Variants in PTPN12 observed in about 807,000 individuals in gnomAD.
The protein encoded by PTPN12 is tyrosine-protein phosphatase non-receptor type 12.
Under a neutral mutation model 97.6 loss-of-function variants are expected in PTPN12, and 29 were observed. That is an observed-to-expected ratio of 0.30 (90% CI 0.22 to 0.41). PTPN12 has a LOEUF of 0.41. Ranked by LOEUF, PTPN12 falls within the 10% of genes least tolerant of loss-of-function variation. The probability of loss-of-function intolerance (pLI) is 1.00; values close to 1 mark genes in which losing one functional copy is unlikely to be tolerated. For missense variants in PTPN12, 819 were observed against 926.0 expected, an observed-to-expected ratio of 0.88 and a Z score of 1.50; for synonymous variants, 327 against 300.4, an observed-to-expected ratio of 1.09 and a Z score of -0.91.
chr7:77,601,404 C>T (rs1252814370), intron 8 of PTPN12, among the ~76,000 whole-genome samples: 1 of 152,120 alleles, frequency 6.6e-6, no homozygotes, highest in Non-Finnish European at 1.5e-5. Flanking sequence ...AAGTCTTGCT[C>T]TGTTGCCCAG....
At chr7:77,616,623 G>A (rs1287098945) in intron 11 of PTPN12, among the ~76,000 whole-genome samples, 2 of 152,214 alleles carry the variant, frequency 1.3e-5, no homozygotes, top group Admixed American at 6.5e-5. Context: ...ATGCTGTTTT[G>A]TATGTTAGAA....
intron 4 of PTPN12, among the ~76,000 whole-genome samples, chr7:77,584,047 T>G (rs183583676): frequency 1.1e-3 from 170 of 152,296 alleles, no homozygotes; most frequent in African/African-American, 3.6e-3. Flanking sequence ...ATATGCAGTA[T>G]AAGAGAATTT....
chr7:77,625,253 GTTT>G (rs141984662), intron 12 of PTPN12, among the ~76,000 whole-genome samples: 2 of 139,336 alleles, frequency 1.4e-5, no homozygotes. Context: ...TTCTTCTTTG[GTTT>G]TTTTTTTTTT....
chr7:77,562,764 T>G (rs1213095283), intron 1 of PTPN12, among the ~76,000 whole-genome samples: 1 of 152,196 alleles, frequency 6.6e-6, no homozygotes, highest in Non-Finnish European at 1.5e-5. Context: ...TTGTATTAGA[T>G]ATCTTCATTT....
intron 12 of PTPN12, among the ~76,000 whole-genome samples, chr7:77,620,343 A>G (rs1788890069): frequency 6.6e-6 from 1 of 152,246 alleles, no homozygotes; most frequent in African/African-American, 2.4e-5. Context: ...GCAAATGCAT[A>G]TTAAGAAAAA....
At chr7:77,576,989 T>A (rs1158986150) in intron 2 of PTPN12, among the ~76,000 whole-genome samples, 1 of 152,200 alleles carries the variant, frequency 6.6e-6, no homozygotes, top group African/African-American at 2.4e-5. Context: ...GAACAGGGTT[T>A]GGTGTGTCAT....
chr7:77,597,982 C>G (rs924227097), intron 7 of PTPN12, 81 bp downstream of exon 7: 33 of 1,527,696 alleles, frequency 2.2e-5, no homozygotes, highest in Non-Finnish European at 2.7e-5. Flanking sequence ...AATCCCAACA[C>G]TTTGGGAGGC....
At chr7:77,544,626 G>GT (rs1807132075) in intron 1 of PTPN12, among the ~76,000 whole-genome samples, 1 of 152,170 alleles carries the variant, frequency 6.6e-6, no homozygotes, top group African/African-American at 2.4e-5. Context: ...GTGGCTGTAG[G>GT]TTTTTTGTTC....
rs531027506 is a variant in PTPN12, at chr7:77,629,573, C to A, written c.1996+1898C>A. ...CTTTTGCTTTTTTTTTTAAAAAAAA[C>A]CAAAAAACCATTACTGGAAATAGGA... On this transcript the variant is annotated intron_variant, in intron 13 of 17. Transcript: ENST00000248594. 1.6e-3 allele frequency among the ~76,000 whole-genome samples: 233 copies of A among 149,884 alleles called. 3 individuals carry two copies. Among genetic ancestry groups the A allele is most frequent in the South Asian group, 3.6e-3 (17 of 4,772 alleles).
At chr7:77,573,085 A>AAAAC (rs1787204766) in intron 2 of PTPN12, among the ~76,000 whole-genome samples, 1 of 73,192 alleles carries the variant, frequency 1.4e-5, no homozygotes, top group Non-Finnish European at 2.3e-5. Flanking sequence ...TCTATCTCAA[A>AAAAC]AAAAAAAAAA....
At chr7:77,592,979 A>G (rs184471057) in intron 6 of PTPN12, among the ~76,000 whole-genome samples, 343 of 152,276 alleles carry the variant, frequency 2.3e-3, no homozygotes, top group Middle Eastern at 0.01. Flanking sequence ...CTAAAAATCA[A>G]TTAATTTAGG....
rs774910230 is a variant in PTPN12 at position 77,626,830 on chromosome 7, A to G, written c.1151A>G (p.Asn384Ser). 3 of 1,613,974 alleles carry G rather than the reference A, an allele frequency of 1.9e-6. No individual in the cohort carries two copies. Among genetic ancestry groups the G allele is most frequent in the East Asian group, 2.2e-5 (1 of 44,896 alleles). Reference protein sequence around the residue: ...FPTVTTVWQDNDRYHPKPVLH... With the variant: ...FPTVTTVWQDSDRYHPKPVLH... ...ACAGTCACTACTGTGTGGCAGGACAATGATAGATACCATCCAAAGCCAGTG... is the reference window on the plus strand; with the variant it reads ...ACAGTCACTACTGTGTGGCAGGACAGTGATAGATACCATCCAAAGCCAGTG... The change falls in exon 13 of 18, where the codon AAT (asparagine) becomes AGT (serine). Residue 384 changes from asparagine (N) to serine (S), a missense_variant. Physicochemically the swap from Asn to Ser is conservative, Grantham distance 46 (BLOSUM62 1). This residue lies in a region of PTPN12 where 607 missense variants were observed against 577.3 expected (regional missense o/e 1.05). Transcript: ENST00000248594.
chr7:77,567,262 G>A (rs1389040403), intron 1 of PTPN12, among the ~76,000 whole-genome samples: 1 of 150,840 alleles, frequency 6.6e-6, no homozygotes, highest in Non-Finnish European at 1.5e-5. Context: ...TGTACCCACA[G>A]AGTTTATTGT....
chr7:77,565,046 G>A (rs1029969140), intron 1 of PTPN12, among the ~76,000 whole-genome samples: 11 of 152,046 alleles, frequency 7.2e-5, no homozygotes, highest in African/African-American at 1.2e-4. Flanking sequence ...ATGAGCCACC[G>A]CACCCAGCTG....
In PTPN12 at chr7:77,585,537, T is replaced by C; in HGVS notation, c.382-6T>C. 1.2e-6 allele frequency: 2 copies of C among 1,605,866 alleles called. No individual in the cohort carries two copies. Among genetic ancestry groups the C allele is most frequent in the Non-Finnish European group, 1.7e-6 (2 of 1,173,008 alleles). ...CTTTATCTCACTCCCCACCATCACT[T>C]TTTAGATCATTGTAATGGCCTGCCG... On this transcript the variant is annotated splice_region_variant and splice_polypyrimidine_tract_variant and intron_variant, in intron 4 of 17. Transcript: ENST00000248594.
At chr7:77,580,143 A>G (rs977227428) in intron 2 of PTPN12, among the ~76,000 whole-genome samples, 3 of 152,190 alleles carry the variant, frequency 2.0e-5, no homozygotes, top group Non-Finnish European at 4.4e-5. Flanking sequence ...ACATGATGGA[A>G]TTCTCTGTTA....
chr7:77,609,723 A>AT (rs1403308672), intron 9 of PTPN12, among the ~76,000 whole-genome samples: 1 of 143,720 alleles, frequency 7.0e-6, no homozygotes, highest in African/African-American at 2.7e-5. Context: ...TACTAAAAAT[A>AT]TAAAAAAAAT....
intron 2 of PTPN12, among the ~76,000 whole-genome samples, chr7:77,574,196 C>T (rs118038950): frequency 0.018 from 2,791 of 151,994 alleles, 34 homozygotes; most frequent in Middle Eastern, 0.071. Context: ...GAGTGTGGTT[C>T]GAATGAGGGA....
chr7:77,565,603 A>G (rs914030646), intron 1 of PTPN12, among the ~76,000 whole-genome samples: 7 of 152,230 alleles, frequency 4.6e-5, no homozygotes, highest in African/African-American at 1.7e-4. Flanking sequence ...AGGAGCTTAG[A>G]TGAACAATGA....
Sources: gnomAD v4.1 joint callset for allele counts (sites outside exome capture counted in the v4.1 genomes callset) on GRCh38, gnomAD v4.1.1 for gene constraint, gnomAD v4.1.1 regional missense constraint, MANE v1.5 for transcripts, NCBI Gene and HGNC (gene_info 2026-07-23, HGNC 2026-07-21) for gene names.